Variants in RGPD1 observed in about 807,000 individuals in gnomAD.
The protein encoded by RGPD1 is RANBP2-like and GRIP domain-containing protein 1.
In RGPD1, 7 loss-of-function variants were observed where a neutral mutation model predicts 40.6. That is an observed-to-expected ratio of 0.17 (90% CI 0.10 to 0.32). The LOEUF (loss-of-function observed/expected upper bound fraction) is 0.32, where lower values mean the gene tolerates loss of function less well. Among genes scored for constraint, RGPD1 ranks in the 10% least tolerant of loss-of-function variants. The pLI is 1.00. For synonymous variants in RGPD1, 24 were observed against 167.0 expected, an observed-to-expected ratio of 0.14 and a Z score of 6.60; for missense variants, 50 against 472.5, an observed-to-expected ratio of 0.11 and a Z score of 8.29.
chr2:86,934,347 GTC>G (rs1449304103), intron 1 of RGPD1: 1 of 132,846 alleles, frequency 7.5e-6, no homozygotes, highest in African/African-American at 3.2e-5. Context: ...GACAGAGCGA[GTC>G]TCTGTCTCAA....
At chr2:86,944,510 C>A (rs138995417) in intron 1 of RGPD1, among the ~76,000 whole-genome samples, 1 of 152,032 alleles carries the variant, frequency 6.6e-6, no homozygotes, top group East Asian at 1.9e-4. Context: ...TCAAGCGATC[C>A]TCCCACCTCA....
intron 1 of RGPD1, among the ~76,000 whole-genome samples, chr2:86,920,341 A>T (rs1678062172): frequency 6.6e-6 from 1 of 151,486 alleles, no homozygotes; most frequent in African/African-American, 2.4e-5. Flanking sequence ...AAGTGCTAGG[A>T]TTACAGGTGT....
rs1317355284 is a variant in RGPD1, at chr2:86,970,537, C to CT, written c.1064-1195dup. ...ATCTGTCTCTGTAGGTTTGCCTCTT[C>CT]TTTTTTTTTTTTTTTGAGACGGAGT... On this transcript the variant is annotated intron_variant, in intron 8 of 22. Coordinates refer to ENST00000641458, the MANE Select transcript of RGPD1 (RefSeq NM_001382344.1). 3.5e-3 allele frequency among the ~76,000 whole-genome samples: 23 copies of CT among 6,584 alleles called. 1 individual carries two copies. The highest frequency in any genetic ancestry group is 0.019 in the African/African-American group (9 of 468). 4.3% of individuals were successfully genotyped at this position (6,584 alleles called of 152,430 possible). A position where few individuals can be genotyped will look rare whatever the true frequency, so the allele number is the denominator to read the frequency against.
At chr2:86,930,252 G>A (rs1349035784) in intron 1 of RGPD1, 2 of 1,432,070 alleles carry the variant, frequency 1.4e-6, no homozygotes, top group African/African-American at 2.8e-5. Context: ...GGGCAGGGCA[G>A]CTGGATGAGG....
upstream of RGPD1, among the ~76,000 whole-genome samples, chr2:86,941,984 T>A (rs1679802709): frequency 6.6e-6 from 1 of 151,884 alleles, no homozygotes; most frequent in Non-Finnish European, 1.5e-5. Flanking sequence ...AGTGTTGGGA[T>A]TACAGGCGTG....
rs1682272031 is a variant in RGPD1 at position 87,013,472 on chromosome 2, C to A, written c.*925C>A. On this transcript the variant is annotated 3_prime_UTR_variant, in exon 23 of 23. Transcript: ENST00000641458. ...TCAAGTAAACAATATAAAATGAGAT[C>A]ACTTGATGATACATGGATACATGTT... 2 of 159,886 alleles carry A rather than the reference C, an allele frequency of 1.3e-5. 1 individual carries two copies. Among genetic ancestry groups the A allele is most frequent in the African/African-American group, 6.9e-5 (2 of 29,046 alleles). 9.9% of individuals were successfully genotyped at this position (159,886 alleles called of 1,614,324 possible).
intron 1 of RGPD1, among the ~76,000 whole-genome samples, chr2:86,916,248 GA>G (rs1677791177): frequency 6.6e-6 from 1 of 152,284 alleles, no homozygotes; most frequent in Admixed American, 6.5e-5. Flanking sequence ...ACCAAAAAAA[GA>G]ATGGTGTAAA....
intron 4 of RGPD1, among the ~76,000 whole-genome samples, chr2:86,955,010 G>A (rs1434373018): frequency 6.3e-5 from 2 of 31,874 alleles, no homozygotes; most frequent in Non-Finnish European, 1.4e-4. Context: ...TTCTTTTTTC[G>A]TTGTTTTTGA....
intron 20 of RGPD1, among the ~76,000 whole-genome samples, chr2:86,988,465 A>C (rs1317869992): frequency 7.0e-5 from 7 of 99,418 alleles, no homozygotes; most frequent in African/African-American, 2.1e-4. Flanking sequence ...AAAAACAAAA[A>C]AACAAAAAAA....
upstream of RGPD1, among the ~76,000 whole-genome samples, chr2:86,938,830 G>T (rs1679523428): frequency 7.3e-6 from 1 of 136,512 alleles, no homozygotes; most frequent in African/African-American, 2.7e-5. Flanking sequence ...AGTGAGCTGA[G>T]ATCGTGCCAC....
rs71244734 is a variant in RGPD1, at chr2:86,920,109, G to A, written c.72+6188G>A. Among the ~76,000 whole-genome samples, 15 of 150,984 alleles carry A rather than the reference G, an allele frequency of 9.9e-5. 1 individual carries two copies. The highest frequency in any genetic ancestry group is 2.1e-4 in the South Asian group (1 of 4,762). ...TTTTAAGACGGGGTTTTGCTCTGTC[G>A]TCTAGGCTGGAATGCAGTGGCGTTA... On this transcript the variant is annotated intron_variant, in intron 1 of 22. Coordinates refer to the RGPD1 transcript ENST00000398193.
chr2:86,937,280 CT>C (rs1679420452), upstream of RGPD1, among the ~76,000 whole-genome samples: 1 of 146,042 alleles, frequency 6.8e-6, no homozygotes, highest in African/African-American at 2.7e-5. Context: ...CTGGAAGTCA[CT>C]TTAGATTGAT....
chr2:87,000,772 G>A (rs1311287792), intron 22 of RGPD1, among the ~76,000 whole-genome samples: 1 of 9,058 alleles, frequency 1.1e-4, no homozygotes, highest in Non-Finnish European at 1.7e-4. Flanking sequence ...CCAACATGGT[G>A]AAACCCCGTC....
chr2:86,942,903 T>C (rs915125110), intron 1 of RGPD1, among the ~76,000 whole-genome samples: 5 of 151,868 alleles, frequency 3.3e-5, no homozygotes, highest in African/African-American at 9.7e-5. Context: ...CCCGGTTTGT[T>C]CCCGACGGTG....
intron 1 of RGPD1, chr2:86,930,695 C>T (rs944738065): frequency 4.6e-5 from 73 of 1,599,490 alleles, no homozygotes; most frequent in East Asian, 6.8e-5. Context: ...GCTGCTGTTG[C>T]GGCGCCCGAA....
chr2:86,934,283 C>T (rs1473009512), intron 1 of RGPD1, among the ~76,000 whole-genome samples: 1 of 147,916 alleles, frequency 6.8e-6, no homozygotes, highest in East Asian at 2.0e-4. Context: ...CTGCTTGAAT[C>T]CAGGAGGCGA....
At chr2:86,924,772 AT>A (rs1379395746) in intron 1 of RGPD1, among the ~76,000 whole-genome samples, 4 of 151,130 alleles carry the variant, frequency 2.6e-5, no homozygotes, top group African/African-American at 9.7e-5. Context: ...ATTTCTTTTA[AT>A]TTAATTTAAT....
chr2:86,943,347 C>T (rs1680067203), intron 1 of RGPD1, among the ~76,000 whole-genome samples: 2 of 139,864 alleles, frequency 1.4e-5, no homozygotes, highest in Non-Finnish European at 3.0e-5. Context: ...AAAGTTCTTA[C>T]AAATCGTTAG....
upstream of RGPD1, among the ~76,000 whole-genome samples, chr2:86,940,112 ATTAG>A (rs1679631955): frequency 2.7e-5 from 1 of 37,294 alleles, no homozygotes; most frequent in Non-Finnish European, 4.2e-5. Flanking sequence ...GAAGAATGAT[ATTAG>A]TTAATACAAA....
Sources: allele counts gnomAD v4.1 joint callset (sites outside exome capture counted in the v4.1 genomes callset), GRCh38; gene constraint gnomAD v4.1.1; transcripts MANE v1.5; gene names NCBI Gene and HGNC (gene_info 2026-07-23, HGNC 2026-07-21).